MAN2A1: variants seen among roughly 807,000 people sequenced by gnomAD.
MAN2A1 encodes the protein alpha-mannosidase 2.
In MAN2A1, 76 loss-of-function variants were observed where a neutral mutation model predicts 142.6. That is an observed-to-expected ratio of 0.53 (90% CI 0.44 to 0.65). The LOEUF (loss-of-function observed/expected upper bound fraction) is 0.65. MAN2A1 is among the 30% of genes least tolerant of loss of function. The pLI is 0.00. For missense variants in MAN2A1, 1,311 were observed against 1,365.1 expected (o/e 0.96, Z 0.62); for synonymous variants, 559 against 473.2 (o/e 1.18, Z -2.35).
intron 4 of MAN2A1, among the ~76,000 whole-genome samples, chr5:109,731,069 T>C (rs535000359): frequency 6.6e-6 from 1 of 152,250 alleles, no homozygotes; most frequent in Admixed American, 6.5e-5. Context: ...TTTTTGTTTT[T>C]AATATTTTTA....
chr5:109,794,750 T>A (rs922374867), intron 12 of MAN2A1, among the ~76,000 whole-genome samples: 1 of 152,186 alleles, frequency 6.6e-6, no homozygotes, highest in Non-Finnish European at 1.5e-5. Flanking sequence ...AGTGTATTTA[T>A]GAATTTTATT....
At chr5:109,805,357 A>G (rs1754137540) in intron 12 of MAN2A1, among the ~76,000 whole-genome samples, 1 of 152,230 alleles carries the variant, frequency 6.6e-6, no homozygotes, top group Non-Finnish European at 1.5e-5. Context: ...TTGTAAGTCC[A>G]CATATTTATT....
chr5:109,788,851 T>C (rs1236672085), intron 10 of MAN2A1, 83 bp from the exon 11 acceptor site: 1 of 662,450 alleles, frequency 1.5e-6, no homozygotes, highest in Non-Finnish European at 2.7e-6. Context: ...ATACTGGTGG[T>C]TTGGCTATTA....
chr5:109,707,633 A>G (rs1751171772), intron 1 of MAN2A1, among the ~76,000 whole-genome samples: 1 of 152,200 alleles, frequency 6.6e-6, no homozygotes, highest in African/African-American at 2.4e-5. Context: ...TGGCTGGGGA[A>G]GGCTATGCAG....
intron 12 of MAN2A1, among the ~76,000 whole-genome samples, chr5:109,807,788 AT>A (rs1705930909): frequency 6.6e-6 from 1 of 152,152 alleles, no homozygotes; most frequent in South Asian, 2.1e-4. Context: ...TCTTGGGGTC[AT>A]TATGCTCCCT....
intron 8 of MAN2A1, among the ~76,000 whole-genome samples, chr5:109,777,310 T>TGA (rs1753320092): frequency 6.6e-6 from 1 of 152,106 alleles, no homozygotes; most frequent in Non-Finnish European, 1.5e-5. Context: ...TTATTTCTCC[T>TGA]GTGGTTAATG....
In MAN2A1 at chr5:109,767,592, C is replaced by T; in HGVS notation, c.893C>T (p.Ala298Val). 6.2e-7 allele frequency: 1 copy of T among 1,613,734 alleles called. No individual in the cohort carries two copies. The highest frequency in any genetic ancestry group is 8.5e-7 in the Non-Finnish European group (1 of 1,179,714). Residue 298 changes from alanine (A) to valine (V), a missense_variant, in exon 6 of 22, where the codon GCT becomes GTT. Coordinates refer to ENST00000261483, the MANE Select transcript of MAN2A1 (RefSeq NM_002372.4). ...IDPFGHSPTM[A>V]YLLNRAGLSH... The stretch of plus-strand genomic sequence containing the variant: ...CCCTTTGGACACTCACCAACAATGG[C>T]TTATCTTCTAAACCGTGCTGGACTT...
At chr5:109,727,260 A>G (rs1157951152) in intron 3 of MAN2A1, among the ~76,000 whole-genome samples, 1 of 152,118 alleles carries the variant, frequency 6.6e-6, no homozygotes, top group East Asian at 1.9e-4. Flanking sequence ...TCCAAGATCA[A>G]GGTGTTGGCA....
intron 8 of MAN2A1, among the ~76,000 whole-genome samples, chr5:109,778,079 C>G (rs1350314614): frequency 8.2e-6 from 1 of 122,692 alleles, no homozygotes; most frequent in Non-Finnish European, 1.7e-5. Context: ...TTTTAAATTT[C>G]TACCAAAAAA....
intron 4 of MAN2A1, among the ~76,000 whole-genome samples, chr5:109,753,499 T>A (rs141125364): frequency 6.6e-6 from 1 of 152,342 alleles, no homozygotes; most frequent in East Asian, 1.9e-4. Context: ...CATCATATTC[T>A]CCATGTGAAA....
intron 1 of MAN2A1, among the ~76,000 whole-genome samples, chr5:109,694,292 TTAAA>T (rs1750751074): frequency 1.3e-5 from 2 of 152,226 alleles, no homozygotes; most frequent in Admixed American, 1.3e-4. Flanking sequence ...GAGAATGCCT[TTAAA>T]TAAGCATTTG....
intron 4 of MAN2A1, among the ~76,000 whole-genome samples, chr5:109,735,498 C>T (rs1007204779): frequency 2.0e-5 from 3 of 152,186 alleles, no homozygotes; most frequent in African/African-American, 7.2e-5. Context: ...CATGATTTTG[C>T]AGTGGCTGGT....
chr5:109,817,207 T>G, intron 12 of MAN2A1, 66 bp from the exon 13 acceptor site: 1 of 1,358,334 alleles, frequency 7.4e-7, no homozygotes, highest in Non-Finnish European at 1.0e-6. Flanking sequence ...TATATCTACA[T>G]GTATATGTAT....
chr5:109,788,189 T>C (rs999504579), intron 10 of MAN2A1, among the ~76,000 whole-genome samples: 2 of 147,860 alleles, frequency 1.4e-5, no homozygotes, highest in Non-Finnish European at 3.0e-5. Context: ...GCCTGGTCTG[T>C]AGAGCCTTCA....
chr5:109,718,028 A>G (rs1290827039), intron 3 of MAN2A1, among the ~76,000 whole-genome samples: 7 of 152,156 alleles, frequency 4.6e-5, no homozygotes, highest in South Asian at 4.1e-4. Flanking sequence ...TTTTTTCTCT[A>G]TAAATCTCAT....
intron 16 of MAN2A1, among the ~76,000 whole-genome samples, chr5:109,837,536 T>A (rs1755088791): frequency 1.3e-5 from 2 of 152,174 alleles, no homozygotes; most frequent in Admixed American, 1.3e-4. Flanking sequence ...TCTGCCAGTC[T>A]TGTCCTTGGG....
chr5:109,762,900 C>T (rs905242055), intron 5 of MAN2A1, among the ~76,000 whole-genome samples: 1 of 152,144 alleles, frequency 6.6e-6, no homozygotes, highest in African/African-American at 2.4e-5. Context: ...GGCAACATCC[C>T]ATCTAAAAAA....
chr5:109,729,477 A>ATAT lies in MAN2A1; in HGVS notation c.675_677dup (p.Ile226dup). On this transcript the variant is annotated inframe_insertion, in exon 4 of 22. Coordinates refer to ENST00000261483, the MANE Select transcript of MAN2A1 (RefSeq NM_002372.4). ...ATCTCTTACCTTTCAAAGTGGTGGG[A>ATAT]TATTATAGATATTCAGAAGAAGGAT... 6.4e-7 allele frequency: 1 copy of ATAT among 1,557,700 alleles called. No homozygotes were observed. Among genetic ancestry groups the ATAT allele is most frequent in the South Asian group, 1.2e-5 (1 of 80,774 alleles).
chr5:109,760,876 A>G (rs576142122), intron 5 of MAN2A1, among the ~76,000 whole-genome samples: 2 of 151,526 alleles, frequency 1.3e-5, no homozygotes, highest in South Asian at 4.2e-4. Flanking sequence ...TTTATTCTTT[A>G]TTAGTCTTAC....
Sources: allele counts gnomAD v4.1 joint callset (sites outside exome capture counted in the v4.1 genomes callset), GRCh38; gene constraint gnomAD v4.1.1; transcripts MANE v1.5; gene names NCBI Gene and HGNC (gene_info 2026-07-23, HGNC 2026-07-21).